The following NTMT2 variants were observed in gnomAD, a reference collection of about 807,000 sequenced individuals.
NTMT2 encodes the protein X-Pro-Lys N-terminal protein methyltransferase 1B.
Under a neutral mutation model 23.4 loss-of-function variants are expected in NTMT2, and 21 were observed. The observed-to-expected ratio is 0.90, with a 90% CI of 0.64 to 1.29. NTMT2 has a LOEUF of 1.29. NTMT2 is among the 50% of genes most tolerant of loss of function. The pLI, the probability that NTMT2 is intolerant of heterozygous loss-of-function variation, is 0.00. For synonymous variants in NTMT2, 131 were observed against 127.7 expected, an observed-to-expected ratio of 1.03 and a Z score of -0.17; for missense variants, 336 against 352.0, an observed-to-expected ratio of 0.95 and a Z score of 0.36.
intron 1 of NTMT2, among the ~76,000 whole-genome samples, chr1:170,150,437 G>A (rs1400410200): frequency 1.3e-5 from 2 of 152,030 alleles, no homozygotes; most frequent in Non-Finnish European, 2.9e-5. Context: ...ATCTCTATTA[G>A]GTGTGCTGTT....
chr1:170,147,092 T>C (rs1672978195), intron 1 of NTMT2, among the ~76,000 whole-genome samples: 1 of 152,248 alleles, frequency 6.6e-6, no homozygotes, highest in Non-Finnish European at 1.5e-5. Context: ...AGCCCCATTG[T>C]GCACTTGATG....
chr1:170,159,550 G>A (rs867095819), intron 1 of NTMT2, among the ~76,000 whole-genome samples: 16 of 148,806 alleles, frequency 1.1e-4, no homozygotes, highest in Admixed American at 5.5e-4. Flanking sequence ...GCTTTGTTCC[G>A]TCTGCTTTTT....
In NTMT2 at chr1:170,166,149, T is replaced by TC. The variant is rs1304649548; in HGVS notation, c.331-353_331-352insC. Among the ~76,000 whole-genome samples the TC allele has an allele frequency of 2.4e-4, 34 of 139,814 alleles. No homozygotes were observed. In the East Asian group the frequency reaches 6.3e-3, roughly 26 times the overall value. 91.7% of individuals were successfully genotyped at this position (139,814 alleles called of 152,430 possible). A position where few individuals can be genotyped will look rare whatever the true frequency, so the allele number is the denominator to read the frequency against. ...TCTTTTTTTTTTTTTTCTTTTTTTT[T>TC]TTTTTTTTGAGACGGAGTCTCGCTC... is the stretch of plus-strand genomic sequence containing the variant. On this transcript the variant is annotated intron_variant, in intron 2 of 3. Coordinates refer to ENST00000439373, the MANE Select transcript of NTMT2 (RefSeq NM_001136107.2).
chr1:170,150,843 G>A (rs939668664), intron 1 of NTMT2, among the ~76,000 whole-genome samples: 7 of 152,152 alleles, frequency 4.6e-5, no homozygotes, highest in African/African-American at 1.7e-4. Flanking sequence ...GGGAAAACAA[G>A]TCAGTGGAAA....
Position 170,147,231 on chromosome 1 carries a change from C to T in NTMT2, c.154+970C>T, listed in dbSNP as rs919728079. On this transcript the variant is annotated intron_variant, in intron 1 of 3. Transcript: ENST00000439373. ...TGAGGGATCTTTAATTCTAAACATA[C>T]AAATACCTTCATCTCATATTTATAT... Among the ~76,000 whole-genome samples, 4 of 152,198 alleles carry T rather than the reference C, an allele frequency of 2.6e-5. No homozygotes were observed. The South Asian group carries it at 6.2e-4, about 24-fold the overall frequency.
intron 1 of NTMT2, among the ~76,000 whole-genome samples, chr1:170,153,096 A>G (rs1673101413): frequency 6.6e-6 from 1 of 152,160 alleles, no homozygotes; most frequent in Non-Finnish European, 1.5e-5. Context: ...ACTTTTAGCT[A>G]TGAGTAAAAG....
chr1:170,166,140 CTTTTTTTTTTTTT>C (rs3040077), intron 2 of NTMT2, among the ~76,000 whole-genome samples: 2 of 67,834 alleles, frequency 2.9e-5, no homozygotes, highest in East Asian at 7.6e-4. Flanking sequence ...TTTTTTTTTT[CTTTTTTTTTTTTT>C]TTTTGAGACG....
chr1:170,159,480 C>T (rs1673230675), intron 1 of NTMT2, among the ~76,000 whole-genome samples: 2 of 127,394 alleles, frequency 1.6e-5, no homozygotes, highest in African/African-American at 3.0e-5. Context: ...TGCCTTCCTG[C>T]TGATTCTAAG....
In NTMT2 at chr1:170,160,588, C is replaced by T. The variant is rs1246054698; in HGVS notation, c.225C>T (p.Phe75=). The change falls in exon 2 of 4, where the codon TTC becomes TTT. Residue 75 remains phenylalanine (F), a synonymous_variant. Transcript: ENST00000439373. The stretch of plus-strand genomic sequence containing the variant: ...AGTTCTATGCCAGAGCTAAACTTTT[C>T]TACCAAGAAGTACCAGCCACAGAAG... ...EMQFYARAKL[F]YQEVPATEEG... 6.4e-7 allele frequency: 1 copy of T among 1,551,580 alleles called. No homozygotes were observed. Among genetic ancestry groups the T allele is most frequent in the East Asian group, 2.4e-5 (1 of 40,926 alleles).
Position 170,168,025 on chromosome 1 carries a change from A to C in NTMT2, c.*268A>C, listed in dbSNP as rs1228354250. Among the ~76,000 whole-genome samples the C allele has an allele frequency of 6.6e-6, 1 of 152,134 alleles. No individual in the cohort carries two copies. The highest frequency in any genetic ancestry group is 1.5e-5 in the Non-Finnish European group (1 of 68,022). On this transcript the variant is annotated 3_prime_UTR_variant, in exon 4 of 4. Transcript: ENST00000439373. ...ACGTGCTTTAAATCCGTTTGTATGTATCTAAACTGTGCAAGCGTGCATGAA... is the reference window on the plus strand; with the variant it reads ...ACGTGCTTTAAATCCGTTTGTATGTCTCTAAACTGTGCAAGCGTGCATGAA...
At chr1:170,167,205 A>C (rs959852262) in intron 3 of NTMT2, among the ~76,000 whole-genome samples, 8 of 152,148 alleles carry the variant, frequency 5.3e-5, no homozygotes, top group Non-Finnish European at 1.2e-4. Flanking sequence ...TCTCCAGGGG[A>C]CATGGAGGGA....
Position 170,146,184 on chromosome 1 carries a change from T to G in NTMT2, c.77T>G (p.Met26Arg), listed in dbSNP as rs1190938446. 1.9e-6 allele frequency: 3 copies of G among 1,551,396 alleles called. No homozygotes were observed. The highest frequency in any genetic ancestry group is 2.6e-6 in the Non-Finnish European group (3 of 1,146,996). Residue 26 changes from methionine to arginine, a missense_variant, in exon 1 of 4, where the codon ATG (methionine) becomes AGG (arginine). Met to Arg is a moderately conservative substitution (Grantham distance 91, BLOSUM62 -1). Coordinates refer to ENST00000439373, the MANE Select transcript of NTMT2 (RefSeq NM_001136107.2). Reference protein sequence around the residue: ...KTDDELCRHSMSFILHKAIRN... With the variant: ...KTDDELCRHSRSFILHKAIRN... The stretch of plus-strand genomic sequence containing the variant: ...GACGATGAACTCTGTAGACATAGCA[T>G]GTCTTTTATCCTTCACAAAGCCATT...
intron 1 of NTMT2, among the ~76,000 whole-genome samples, chr1:170,151,913 G>A (rs1673076051): frequency 6.6e-6 from 1 of 152,066 alleles, no homozygotes; most frequent in Non-Finnish European, 1.5e-5. Flanking sequence ...ATATAAACAT[G>A]TTTGATCATC....
intron 1 of NTMT2, among the ~76,000 whole-genome samples, chr1:170,159,253 G>A (rs1401844510): frequency 6.6e-6 from 1 of 152,010 alleles, no homozygotes; most frequent in African/African-American, 2.4e-5. Flanking sequence ...ACATTTTAAT[G>A]CTAACTGGTC....
At chr1:170,166,373 C>A (rs977618522) in intron 2 of NTMT2, 129 bp from the exon 3 acceptor site, 22 of 874,992 alleles carry the variant, frequency 2.5e-5, no homozygotes, top group Non-Finnish European at 3.6e-5. Flanking sequence ...GATCTCTTGA[C>A]CTCGTGATCC....
At chr1:170,148,777 C>T (rs1673016383) in intron 1 of NTMT2, among the ~76,000 whole-genome samples, 1 of 151,938 alleles carries the variant, frequency 6.6e-6, no homozygotes, top group Non-Finnish European at 1.5e-5. Flanking sequence ...TCCACACAGG[C>T]ATTCAGGGAT....
intron 1 of NTMT2, among the ~76,000 whole-genome samples, chr1:170,152,708 T>TCC (rs35829674): frequency 0.017 from 2,460 of 148,494 alleles, 53 homozygotes; most frequent in African/African-American, 0.057. Flanking sequence ...CACTGATAAA[T>TCC]CCCCCCCCCA....
At chr1:170,153,398 G>T (rs1673106909) in intron 1 of NTMT2, among the ~76,000 whole-genome samples, 1 of 152,196 alleles carries the variant, frequency 6.6e-6, no homozygotes, top group Non-Finnish European at 1.5e-5. Flanking sequence ...AAGACAAGAT[G>T]ATGAGGAAAA....
At chr1:170,160,455 C>A in intron 1 of NTMT2, 63 bp from the exon 2 acceptor site, 1 of 1,309,024 alleles carries the variant, frequency 7.6e-7, no homozygotes, top group Non-Finnish European at 1.0e-6. Context: ...AAATGCAATG[C>A]ATAAAGCTGA....
Sources: gnomAD v4.1 joint callset for allele counts (sites outside exome capture counted in the v4.1 genomes callset) on GRCh38, gnomAD v4.1.1 for gene constraint, MANE v1.5 for transcripts, NCBI Gene and HGNC (gene_info 2026-07-23, HGNC 2026-07-21) for gene names.